SLC39A11: variants seen among roughly 807,000 people sequenced by gnomAD.
SLC39A11 encodes the protein zinc transporter ZIP11.
In SLC39A11, 33 loss-of-function variants were observed where a neutral mutation model predicts 36.1. That is an observed-to-expected ratio of 0.91 (90% confidence interval 0.69 to 1.22). SLC39A11 has a LOEUF of 1.22. Ranked by LOEUF, SLC39A11 falls within the 50% of genes most tolerant of loss-of-function variation. The probability of loss-of-function intolerance (pLI) is 0.00; values close to 1 mark genes in which losing one functional copy is unlikely to be tolerated. For synonymous variants in SLC39A11, 166 were observed against 170.3 expected (o/e 0.97, Z 0.20); for missense variants, 432 against 430.3 (o/e 1.00, Z -0.03).
intron 6 of SLC39A11, among the ~76,000 whole-genome samples, chr17:72,826,950 A>G (rs555217128): frequency 2.6e-5 from 4 of 152,360 alleles, no homozygotes; most frequent in Middle Eastern, 3.4e-3. Flanking sequence ...ATTTTCCTCA[A>G]AAGGGCAAAT....
intron 6 of SLC39A11, among the ~76,000 whole-genome samples, chr17:72,785,944 T>A (rs960363307): frequency 1.4e-5 from 2 of 146,966 alleles, no homozygotes; most frequent in African/African-American, 5.3e-5. Flanking sequence ...TTAAAAAAAA[T>A]TAAATTTGAT....
intron 5 of SLC39A11, among the ~76,000 whole-genome samples, chr17:72,861,743 TATATATATATATATATATATATA>T (rs2080041017): frequency 4.3e-4 from 1 of 2,344 alleles, no homozygotes; most frequent in Admixed American, 5.3e-3. Context: ...TTGGAGATTA[TATATATATATATATATATATATA>T]TATATATATA....
chr17:72,729,021 A>C (rs1320840320), intron 7 of SLC39A11, among the ~76,000 whole-genome samples: 1 of 152,108 alleles, frequency 6.6e-6, no homozygotes, highest in Non-Finnish European at 1.5e-5. Context: ...AACACACAGC[A>C]GTGGGGTGGG....
chr17:72,850,321 G>A (rs966549437), intron 5 of SLC39A11, among the ~76,000 whole-genome samples: 2 of 151,262 alleles, frequency 1.3e-5, no homozygotes, highest in African/African-American at 2.4e-5. Context: ...AGGCGTGGTG[G>A]TATGCACCTG....
intron 4 of SLC39A11, among the ~76,000 whole-genome samples, chr17:72,984,249 G>A (rs1318982733): frequency 6.6e-6 from 1 of 152,094 alleles, no homozygotes; most frequent in Non-Finnish European, 1.5e-5. Context: ...GCATTGCACA[G>A]AGCATGGGCA....
chr17:72,912,129 C>G (rs1263469349), intron 5 of SLC39A11, among the ~76,000 whole-genome samples: 1 of 152,094 alleles, frequency 6.6e-6, no homozygotes, highest in Non-Finnish European at 1.5e-5. Flanking sequence ...TTGAAGAGAG[C>G]CAGACCTGGG....
At chr17:73,082,924 G>A (rs1488197826) in intron 3 of SLC39A11, among the ~76,000 whole-genome samples, 1 of 145,870 alleles carries the variant, frequency 6.9e-6, no homozygotes, top group Non-Finnish European at 1.5e-5. Flanking sequence ...CCTGCAGCAG[G>A]GGAATTGTTT....
intron 6 of SLC39A11, among the ~76,000 whole-genome samples, chr17:72,757,670 C>A (rs1375193689): frequency 2.0e-5 from 3 of 151,644 alleles, no homozygotes; most frequent in Non-Finnish European, 1.5e-5. Flanking sequence ...TCCCTTCCTG[C>A]CTACTTTTCT....
chr17:72,947,451 A>C lies in SLC39A11; in HGVS notation c.430+301T>G, dbSNP rs2085502247. On this transcript the variant is annotated intron_variant, in intron 5 of 9. Transcript: ENST00000255559. ...ACAAATGCTGGTACTCTCTAACCCA[A>C]AGCAGCCCCATCACCATCAGAGTGA... 9.5e-6 allele frequency: 4 copies of C among 419,054 alleles called. No individual in the cohort carries two copies. In the East Asian group the frequency reaches 1.7e-4, roughly 17 times the overall value. 26.0% of individuals were successfully genotyped at this position (419,054 alleles called of 1,614,324 possible).
chr17:73,050,323 C>CCA (rs2059450880), intron 3 of SLC39A11, among the ~76,000 whole-genome samples: 1 of 98,832 alleles, frequency 1.0e-5, no homozygotes, highest in Non-Finnish European at 1.9e-5. Flanking sequence ...CTGTTTGTGG[C>CCA]AAAAAAAAAA....
At chr17:73,078,780 G>A (rs1346324510) in intron 3 of SLC39A11, among the ~76,000 whole-genome samples, 2 of 151,786 alleles carry the variant, frequency 1.3e-5, no homozygotes, top group African/African-American at 4.8e-5. Context: ...TAGCAGGTGT[G>A]AGCCACCATG....
intron 5 of SLC39A11, among the ~76,000 whole-genome samples, chr17:72,890,528 A>ACT (rs1472495645): frequency 1.3e-5 from 2 of 152,122 alleles, no homozygotes; most frequent in Non-Finnish European, 2.9e-5. Flanking sequence ...GTTCCATTCA[A>ACT]CTCTTCTGGG....
intron 4 of SLC39A11, among the ~76,000 whole-genome samples, chr17:72,975,147 A>G (rs1318447517): frequency 6.6e-6 from 1 of 152,148 alleles, no homozygotes; most frequent in African/African-American, 2.4e-5. Context: ...GTGCCCTTAT[A>G]AAGAGGTCCT....
In SLC39A11 at chr17:72,743,098, C is replaced by A. The variant is rs571870388; in HGVS notation, c.602-6379G>T. 9.2e-5 allele frequency among the ~76,000 whole-genome samples: 14 copies of A among 152,196 alleles called. 1 individual carries two copies. Among genetic ancestry groups the A allele is most frequent in the South Asian group, 6.2e-4 (3 of 4,832 alleles). ...TTAGCTCACAGCCTGAGCTTGCTGACTTGTGACATAAATGCTCACAGCAGC... is the reference window on the plus strand; with the variant it reads ...TTAGCTCACAGCCTGAGCTTGCTGAATTGTGACATAAATGCTCACAGCAGC... On this transcript the variant is annotated intron_variant, in intron 6 of 9. Transcript: ENST00000255559.
chr17:72,649,132 G>A (rs778773662), intron 8 of SLC39A11, 38 bp downstream of exon 8: 41 of 1,591,288 alleles, frequency 2.6e-5, no homozygotes, highest in Non-Finnish European at 3.3e-5. Context: ...CCACATGGAG[G>A]ATGCTGTGAC....
intron 3 of SLC39A11, among the ~76,000 whole-genome samples, chr17:73,049,514 C>T (rs1419345715): frequency 1.3e-5 from 2 of 152,142 alleles, no homozygotes; most frequent in Non-Finnish European, 2.9e-5. Context: ...GGAAATATGC[C>T]AAGGAGAGTC....
At chr17:72,925,627 G>T (rs1034636106) in intron 5 of SLC39A11, among the ~76,000 whole-genome samples, 14 of 152,166 alleles carry the variant, frequency 9.2e-5, no homozygotes, top group Admixed American at 3.3e-4. Context: ...ACCTGGAATT[G>T]CAGTACCTGC....
chr17:73,060,977 A>G (rs2059823136), intron 3 of SLC39A11, among the ~76,000 whole-genome samples: 1 of 152,208 alleles, frequency 6.6e-6, no homozygotes, highest in Admixed American at 6.5e-5. Context: ...ATAAGCCTAT[A>G]TAGTTTTGTC....
chr17:72,996,290 C>T (rs969577720), intron 4 of SLC39A11, among the ~76,000 whole-genome samples: 6 of 152,212 alleles, frequency 3.9e-5, no homozygotes, highest in Admixed American at 3.9e-4. Flanking sequence ...CAGGTTTTAC[C>T]TCTATGTGCG....
Sources: allele counts gnomAD v4.1 joint callset (sites outside exome capture counted in the v4.1 genomes callset), GRCh38; gene constraint gnomAD v4.1.1; transcripts MANE v1.5; gene names NCBI Gene and HGNC (gene_info 2026-07-23, HGNC 2026-07-21).